The following IQSEC3 variants were observed in gnomAD, a reference collection of about 807,000 sequenced individuals.
IQSEC3 encodes IQ motif and SEC7 domain-containing protein 3.
A neutral mutation model predicts 105.4 loss-of-function variants in IQSEC3; 50 were observed. The observed-to-expected ratio is 0.47, with a 90% confidence interval of 0.38 to 0.60. IQSEC3 has a LOEUF of 0.60. Ranked by LOEUF, IQSEC3 falls within the 20% of genes least tolerant of loss-of-function variation. IQSEC3 has a pLI of 0.00. For missense variants in IQSEC3, 1,415 were observed against 1,630.0 expected, an observed-to-expected ratio of 0.87 and a Z score of 2.27; for synonymous variants, 708 against 746.0, an observed-to-expected ratio of 0.95 and a Z score of 0.83.
intron 2 of IQSEC3, among the ~76,000 whole-genome samples, chr12:102,428 C>T (rs889860749): frequency 3.9e-5 from 6 of 152,216 alleles, no homozygotes; most frequent in East Asian, 1.9e-4. Flanking sequence ...TGGCTAAGGC[C>T]GGCCCCCACT....
intron 1 of IQSEC3, among the ~76,000 whole-genome samples, chr12:88,832 G>C (rs1555072697): frequency 6.6e-6 from 1 of 152,194 alleles, no homozygotes; most frequent in Admixed American, 6.5e-5. Flanking sequence ...ATGGCATCCT[G>C]GTAGGGCTCT....
In IQSEC3 at chr12:165,835, G is replaced by A. The variant is rs1414366463; in HGVS notation, c.2916G>A (p.Glu972=). The A allele has an allele frequency of 1.9e-6, 3 of 1,614,006 alleles. No individual in the cohort carries two copies. Among genetic ancestry groups the A allele is most frequent in the Non-Finnish European group, 2.5e-6 (3 of 1,180,048 alleles). ...LGSDEMQKFV[E]DLKESIAEVT... is the part of the protein sequence containing the mutation. ...CGGACGAGATGCAGAAGTTCGTGGA[G>A]GACCTGAAGGAGTCCATTGCTGAGG... The change falls in exon 11 of 14, where the codon GAG becomes GAA. Residue 972 remains glutamate, a synonymous_variant. Transcript: ENST00000538872.
At chr12:158,220 A>T (rs1328757073) in intron 7 of IQSEC3, among the ~76,000 whole-genome samples, 1 of 152,038 alleles carries the variant, frequency 6.6e-6, no homozygotes, top group African/African-American at 2.4e-5. Context: ...ATACATCCAC[A>T]TAATTTAATA....
chr12:106,309 G>A (rs1231969852), intron 2 of IQSEC3, among the ~76,000 whole-genome samples: 2 of 152,234 alleles, frequency 1.3e-5, no homozygotes, highest in African/African-American at 4.8e-5. Context: ...GGCAGGTGTT[G>A]TCAAGTATGG....
In IQSEC3 at chr12:172,925, C is replaced by T. The variant is rs116245374; in HGVS notation, c.3115-1674C>T. Among the ~76,000 whole-genome samples the T allele has an allele frequency of 5.2e-3, 795 of 152,204 alleles. 10 individuals are homozygous for T. The highest frequency in any genetic ancestry group is 0.018 in the African/African-American group (751 of 41,520). On this transcript the variant is annotated intron_variant, in intron 13 of 13. Transcript: ENST00000538872. ...GGCGCAGGCTGTGGCCCAGAGGGGGCGCGGCACGGGGAGCTTCAGGGAGAA... is the reference window on the plus strand; with the variant it reads ...GGCGCAGGCTGTGGCCCAGAGGGGGTGCGGCACGGGGAGCTTCAGGGAGAA...
At chr12:90,502 G>A (rs1247580354) in intron 1 of IQSEC3, among the ~76,000 whole-genome samples, 2 of 152,114 alleles carry the variant, frequency 1.3e-5, no homozygotes, top group African/African-American at 4.8e-5. Flanking sequence ...AAATTTTTAT[G>A]TATGGCATAA....
intron 5 of IQSEC3, among the ~76,000 whole-genome samples, chr12:145,896 G>A (rs955801951): frequency 1.3e-5 from 2 of 152,230 alleles, no homozygotes; most frequent in South Asian, 2.1e-4. Context: ...TCCCATGCAC[G>A]TGGAGAGCAT....
At chr12:139,712 C>G (rs115324551) in intron 4 of IQSEC3, 45 of 197,006 alleles carry the variant, frequency 2.3e-4, no homozygotes, top group African/African-American at 9.9e-4. Flanking sequence ...GAGGATTACG[C>G]AGCAATCATT....
chr12:137,855 G>A (rs1464986538), intron 3 of IQSEC3, among the ~76,000 whole-genome samples: 1 of 150,930 alleles, frequency 6.6e-6, no homozygotes, highest in Non-Finnish European at 1.5e-5. Flanking sequence ...AGAGAGACAA[G>A]GTCTAGCTAT....
At chr12:159,324 T>G (rs1866807709) in intron 7 of IQSEC3, among the ~76,000 whole-genome samples, 1 of 152,252 alleles carries the variant, frequency 6.6e-6, no homozygotes, top group Non-Finnish European at 1.5e-5. Flanking sequence ...GTCTGGACAG[T>G]GGCTGGGCCA....
At chr12:80,698 A>T (rs148762699) in intron 1 of IQSEC3, among the ~76,000 whole-genome samples, 43 of 152,356 alleles carry the variant, frequency 2.8e-4, no homozygotes, top group African/African-American at 9.9e-4. Flanking sequence ...GACAAACAAG[A>T]TCACTAATGA....
In IQSEC3 at chr12:125,689, C is replaced by T. The variant is rs372632887; in HGVS notation, c.680C>T (p.Ala227Val). The T allele has an allele frequency of 3.5e-4, 534 of 1,535,568 alleles. 1 individual carries two copies. Among genetic ancestry groups the T allele is most frequent in the South Asian group, 7.4e-4 (59 of 80,102 alleles). ...ATGGAGGACTCCGTGGTGGCAGCGG[C>T]GGCGGTGGCAGCCGGCAGACCCAGT... ...GGMEDSVVAA[A>V]AVAAGRPSAH... is the part of the protein sequence containing the mutation. Residue 227 changes from alanine (A) to valine (V), a missense_variant, in exon 3 of 14, where the codon GCG (alanine) becomes GTG (valine). By Grantham distance (64) the Ala-to-Val change is moderately conservative. Around this residue, in one of 6 missense-constraint regions of IQSEC3, gnomAD observed 720 missense variants for 633.0 expected, o/e 1.14. Transcript: ENST00000538872.
At chr12:168,753 C>T (rs1201878950) in intron 11 of IQSEC3, among the ~76,000 whole-genome samples, 1 of 152,150 alleles carries the variant, frequency 6.6e-6, no homozygotes, top group Non-Finnish European at 1.5e-5. Flanking sequence ...GTTCACCTCC[C>T]TCACATCGGC....
intron 2 of IQSEC3, among the ~76,000 whole-genome samples, chr12:108,744 G>A (rs1020467023): frequency 7.2e-5 from 11 of 152,212 alleles, no homozygotes; most frequent in South Asian, 2.1e-4. Context: ...GGGCTCTGCC[G>A]GGTCTGGCTC....
At chr12:153,965 G>T (rs1413193366) in intron 5 of IQSEC3, among the ~76,000 whole-genome samples, 2 of 152,056 alleles carry the variant, frequency 1.3e-5, no homozygotes, top group African/African-American at 4.8e-5. Flanking sequence ...GGGGTCCAGC[G>T]AGCTGCATTT....
At chr12:132,829 T>TGA (rs1357449070) in intron 3 of IQSEC3, among the ~76,000 whole-genome samples, 1 of 152,176 alleles carries the variant, frequency 6.6e-6, no homozygotes, top group Admixed American at 6.5e-5. Context: ...TATGGAGGCT[T>TGA]GAGAGTCATT....
rs923372122 is a variant in IQSEC3, at chr12:177,099, G to T, written c.*2066G>T. 4 of 152,286 alleles carry T rather than the reference G, an allele frequency of 2.6e-5. No individual in the cohort carries two copies. The highest frequency in any genetic ancestry group is 2.6e-4 in the Admixed American group (4 of 15,274). The allele number at this position is 152,286 out of a possible 1,614,324, so 9.4% of individuals were successfully genotyped here. ...TGGGGTGGGGGCCGTGGGGGCCAGGGACACTCTCCCAGACAGCCCTGACCC... is the reference window on the plus strand; with the variant it reads ...TGGGGTGGGGGCCGTGGGGGCCAGGTACACTCTCCCAGACAGCCCTGACCC... On this transcript the variant is annotated 3_prime_UTR_variant, in exon 14 of 14. Coordinates refer to ENST00000538872, the MANE Select transcript of IQSEC3 (RefSeq NM_001170738.2). The surrounding 1 kb of genome is among the most constrained non-coding windows in gnomAD (Gnocchi z 5.3).
intron 2 of IQSEC3, 72 bp downstream of exon 2, chr12:99,286 G>T (rs1864344744): frequency 7.2e-7 from 1 of 1,389,154 alleles, no homozygotes; most frequent in Non-Finnish European, 9.9e-7. Context: ...ACGTACCACT[G>T]CACTAGCTAT....
At chr12:170,493 T>C (rs1287441472) in intron 12 of IQSEC3, among the ~76,000 whole-genome samples, 3 of 151,826 alleles carry the variant, frequency 2.0e-5, no homozygotes, top group South Asian at 2.1e-4. Context: ...CCCCCAGGGG[T>C]TGGGAAATGA....
Sources: allele counts gnomAD v4.1 joint callset (sites outside exome capture counted in the v4.1 genomes callset), GRCh38; gene constraint gnomAD v4.1.1; regional missense constraint gnomAD v4.1.1; non-coding constraint Gnocchi (gnomAD v3.1); transcripts MANE v1.5; gene names NCBI Gene and HGNC (gene_info 2026-07-23, HGNC 2026-07-21).